Variants in MZT2A observed in about 807,000 individuals in gnomAD.
MZT2A encodes the protein mitotic spindle organizing protein 2A.
In MZT2A, 8 loss-of-function variants were observed where a neutral mutation model predicts 12.4. The observed-to-expected ratio is 0.64, with a 90% CI of 0.38 to 1.16. The LOEUF (loss-of-function observed/expected upper bound fraction) is 1.16. Among genes scored for constraint, MZT2A ranks in the 50% most tolerant of loss-of-function variants. The pLI is 0.01. For missense variants in MZT2A, 181 were observed against 223.6 expected (o/e 0.81, Z 1.22); for synonymous variants, 88 against 107.5 (o/e 0.82, Z 1.12).
At chr2:131,482,982 G>T (rs925584314), downstream of MZT2A, 127 of 1,449,510 alleles carry the variant, frequency 8.8e-5, no homozygotes, top group Non-Finnish European at 1.1e-4. Context: ...GAGCCGGTGG[G>T]ACCCTAGAGC....
chr2:131,480,715 T>A, downstream of MZT2A: 2 of 1,611,988 alleles, frequency 1.2e-6, no homozygotes, highest in Non-Finnish European at 1.7e-6. Flanking sequence ...AAGCGCACCA[T>A]CCAGTTTGTG....
chr2:131,477,246 C>T (rs78324338), intron 2 of MZT2A, among the ~76,000 whole-genome samples: 1,966 of 151,868 alleles, frequency 0.013, 14 homozygotes, highest in Admixed American at 0.021. Flanking sequence ...CTATGTTACC[C>T]AGGCTGGTCT....
At chr2:131,491,040 C>G in intron 2 of MZT2A, 1 of 1,264,556 alleles carries the variant, frequency 7.9e-7, no homozygotes, top group South Asian at 1.3e-5. Context: ...GCTTTCCACG[C>G]CTTCTCATGA....
At chr2:131,482,534 C>T (rs1330996587), downstream of MZT2A, 1 of 1,592,052 alleles carries the variant, frequency 6.3e-7, no homozygotes, top group East Asian at 2.2e-5. Flanking sequence ...GGACTGCTTT[C>T]TTTCCCTTCT....
intron 2 of MZT2A, among the ~76,000 whole-genome samples, chr2:131,474,114 T>G (rs1028963251): frequency 1.3e-5 from 2 of 151,266 alleles, no homozygotes; most frequent in African/African-American, 4.9e-5. Flanking sequence ...TTTTTTTTTT[T>G]TGAGACAGAG....
upstream of MZT2A, among the ~76,000 whole-genome samples, chr2:131,493,617 A>G (rs1041045614): frequency 3.3e-5 from 5 of 152,120 alleles, no homozygotes; most frequent in African/African-American, 1.2e-4. Context: ...TTGGCATGAC[A>G]GAATTTGCTT....
chr2:131,493,247 G>T, upstream of MZT2A: 1 of 1,355,418 alleles, frequency 7.4e-7, no homozygotes, highest in Non-Finnish European at 9.4e-7. Flanking sequence ...GACTCGGGCG[G>T]CCCGGCGGCT....
At chr2:131,479,206 T>A (rs1204669894), downstream of MZT2A, 1 of 1,514,050 alleles carries the variant, frequency 6.6e-7, no homozygotes, top group Non-Finnish European at 8.9e-7. Context: ...GGTCATGTAC[T>A]TTGAACAGCA....
upstream of MZT2A, chr2:131,492,481 T>TGGTGGGAGC: frequency 9.8e-7 from 1 of 1,024,460 alleles, no homozygotes; most frequent in Non-Finnish European, 1.2e-6. Context: ...CGGGCTGCCC[T>TGGTGGGAGC]GGCGGGAGCG....
intron 2 of MZT2A, 166 bp downstream of exon 2, chr2:131,491,710 C>T: frequency 3.3e-6 from 3 of 896,288 alleles, no homozygotes; most frequent in Non-Finnish European, 3.3e-6. Flanking sequence ...AGGCTGGCAG[C>T]GAAGCCCAGG....
Position 131,484,208 on chromosome 2 carries a change from T to A in MZT2A, c.330A>T (p.Lys110Asn). The A allele has an allele frequency of 6.2e-7, 1 of 1,613,898 alleles. No individual in the cohort carries two copies. The highest frequency in any genetic ancestry group is 1.1e-5 in the South Asian group (1 of 91,072). ...ATACTCCCCCGAGGGCAGCGCTGCC[T>A]TTGTCTCTCCCTAAGGAGACACAAA... ...SSVPETRGRD[K>N]GSAALGGVLA... The change falls in exon 3 of 3, where the codon AAA (lysine) becomes AAT (asparagine). Residue 110 changes from lysine (K) to asparagine (N), a missense_variant. By Grantham distance (94) the Lys-to-Asn change is moderately conservative (BLOSUM62 0). Transcript: ENST00000309451.
chr2:131,482,837 G>T (rs751253226), downstream of MZT2A: 5 of 1,613,150 alleles, frequency 3.1e-6, no homozygotes, highest in Admixed American at 6.7e-5. Flanking sequence ...TGAAGAAGGC[G>T]AAGAATACTG....
chr2:131,493,743 G>A (rs1256153778), upstream of MZT2A, among the ~76,000 whole-genome samples: 3 of 152,178 alleles, frequency 2.0e-5, no homozygotes, highest in Non-Finnish European at 4.4e-5. Context: ...GGAGAGTCGC[G>A]ACGAAGTGGA....
At chr2:131,493,108 C>T (rs1401357621), upstream of MZT2A, 28 of 1,491,006 alleles carry the variant, frequency 1.9e-5, no homozygotes, top group Non-Finnish European at 2.2e-5. Context: ...GCGGCTTCCA[C>T]CTCTGAAGCG....
upstream of MZT2A, chr2:131,492,435 A>C (rs1679373413): frequency 8.3e-7 from 1 of 1,198,028 alleles, no homozygotes; most frequent in Admixed American, 4.6e-5. Flanking sequence ...GGATGCGCCC[A>C]CCGCCCTCTC....
intron 2 of MZT2A, among the ~76,000 whole-genome samples, chr2:131,474,942 T>C (rs1573853416): frequency 1.3e-5 from 2 of 152,124 alleles, no homozygotes; most frequent in South Asian, 4.2e-4. Context: ...GGGTTGCACT[T>C]CTCAAACTTG....
intron 2 of MZT2A, among the ~76,000 whole-genome samples, chr2:131,488,151 A>G (rs1358697251): frequency 6.6e-6 from 1 of 152,212 alleles, no homozygotes; most frequent in African/African-American, 2.4e-5. Flanking sequence ...CAGGCAGCAC[A>G]GCTCAGGTGA....
upstream of MZT2A, chr2:131,492,978 C>G: frequency 6.6e-7 from 1 of 1,525,190 alleles, no homozygotes; most frequent in Non-Finnish European, 8.9e-7. Context: ...GCCTTCTTCG[C>G]TTTGCGCACG....
At chr2:131,482,501 T>C (rs538572786), downstream of MZT2A, 43 of 1,544,974 alleles carry the variant, frequency 2.8e-5, no homozygotes, top group East Asian at 9.5e-4. Context: ...AGCTACCATT[T>C]CTAGGTTTGA....
Sources: gnomAD v4.1 joint callset for allele counts (sites outside exome capture counted in the v4.1 genomes callset) on GRCh38, gnomAD v4.1.1 for gene constraint, MANE v1.5 for transcripts, NCBI Gene and HGNC (gene_info 2026-07-23, HGNC 2026-07-21) for gene names.